DISC1: variants seen among roughly 807,000 people sequenced by gnomAD.
DISC1 encodes disrupted in schizophrenia 1 protein.
Under a neutral mutation model 84.5 loss-of-function variants are expected in DISC1, and 57 were observed. The observed-to-expected ratio is 0.67, with a 90% CI of 0.55 to 0.84. The LOEUF (loss-of-function observed/expected upper bound fraction) is 0.84, where lower values mean the gene tolerates loss of function less well. DISC1 is among the 40% of genes least tolerant of loss of function. The pLI is 0.00. For missense variants in DISC1, 1,000 were observed against 1,057.8 expected (o/e 0.95, Z 0.76); for synonymous variants, 411 against 415.2 (o/e 0.99, Z 0.12).
chr1:231,965,895 C>T (rs560531441), intron 10 of DISC1, among the ~76,000 whole-genome samples: 25 of 152,332 alleles, frequency 1.6e-4, no homozygotes, highest in African/African-American at 5.5e-4. Context: ...GCCATGTACA[C>T]GAATGTGTTG....
chr1:232,000,116 G>T (rs2102959194), intron 10 of DISC1, among the ~76,000 whole-genome samples: 1 of 152,264 alleles, frequency 6.6e-6, no homozygotes, highest in Middle Eastern at 3.4e-3. Flanking sequence ...TGAGGAAAGA[G>T]AATCAACCGA....
intron 9 of DISC1, among the ~76,000 whole-genome samples, chr1:231,840,489 A>G (rs1036018312): frequency 6.6e-6 from 1 of 152,172 alleles, no homozygotes; most frequent in Non-Finnish European, 1.5e-5. Context: ...CAAACTATCA[A>G]TATACACAAC....
intron 11 of DISC1, among the ~76,000 whole-genome samples, chr1:232,013,107 G>T (rs74144308): frequency 6.6e-6 from 1 of 152,170 alleles, no homozygotes; most frequent in East Asian, 1.9e-4. Flanking sequence ...TCTTTTGTAC[G>T]GGCTGTTCTG....
At chr1:231,857,982 G>A (rs183448922) in intron 9 of DISC1, among the ~76,000 whole-genome samples, 85 of 152,314 alleles carry the variant, frequency 5.6e-4, no homozygotes, top group Non-Finnish European at 1.8e-4. Flanking sequence ...AACTCTTGCC[G>A]CTATAGGCCC....
At chr1:231,695,390 A>G (rs994288429) in intron 2 of DISC1, among the ~76,000 whole-genome samples, 1 of 152,222 alleles carries the variant, frequency 6.6e-6, no homozygotes, top group Non-Finnish European at 1.5e-5. Context: ...TTTGGAAATA[A>G]GTACAAACTG....
chr1:232,005,209 C>A (rs906438363), intron 10 of DISC1, among the ~76,000 whole-genome samples: 1 of 151,760 alleles, frequency 6.6e-6, no homozygotes, highest in Non-Finnish European at 1.5e-5. Context: ...CTCATGGAAT[C>A]CTCACCATCA....
chr1:231,955,462 G>A (rs770758410), intron 9 of DISC1, among the ~76,000 whole-genome samples: 13 of 149,728 alleles, frequency 8.7e-5, no homozygotes, highest in African/African-American at 1.5e-4. Context: ...GTGGCTTAGG[G>A]TAAAAATCTG....
At chr1:231,881,212 C>G (rs924160553) in intron 9 of DISC1, among the ~76,000 whole-genome samples, 2 of 152,204 alleles carry the variant, frequency 1.3e-5, no homozygotes, top group Admixed American at 1.3e-4. Flanking sequence ...TCCCTGGCAA[C>G]AGGGCCTCTG....
At chr1:231,721,133 C>T (rs2069623876) in intron 3 of DISC1, 2 of 1,272,774 alleles carry the variant, frequency 1.6e-6, no homozygotes, top group Admixed American at 4.6e-5. Context: ...AACATTAGCT[C>T]TACCTACCTT....
chr1:231,866,510 A>T (rs1335907385), intron 9 of DISC1: 1 of 799,474 alleles, frequency 1.3e-6, no homozygotes, highest in South Asian at 1.3e-5. Context: ...TTTAATGTTC[A>T]CTACTACCTT....
At chr1:231,781,076 G>T (rs1317300968) in intron 6 of DISC1, among the ~76,000 whole-genome samples, 4 of 149,246 alleles carry the variant, frequency 2.7e-5, no homozygotes, top group Non-Finnish European at 5.9e-5. Flanking sequence ...CGGTTAGTGG[G>T]TTCAGCGCAC....
chr1:231,890,375 C>T (rs564971435), intron 9 of DISC1, among the ~76,000 whole-genome samples: 3 of 152,186 alleles, frequency 2.0e-5, no homozygotes, highest in African/African-American at 2.4e-5. Context: ...CAGTATTGAT[C>T]GAGCACAAAT....
At chr1:231,780,471 C>T (rs2077331252) in intron 6 of DISC1, among the ~76,000 whole-genome samples, 1 of 149,832 alleles carries the variant, frequency 6.7e-6, no homozygotes, top group Admixed American at 6.7e-5. Context: ...TACCATCTCA[C>T]ACCAGTTAGA....
At chr1:231,895,340 T>C (rs1364965646) in intron 9 of DISC1, among the ~76,000 whole-genome samples, 4 of 151,734 alleles carry the variant, frequency 2.6e-5, no homozygotes, top group Non-Finnish European at 5.9e-5. Context: ...ATAAATATTT[T>C]ATATGTATAC....
chr1:231,881,500 C>T (rs11122358), intron 9 of DISC1, among the ~76,000 whole-genome samples: 6,143 of 152,210 alleles, frequency 0.04, 436 homozygotes, highest in African/African-American at 0.14. Flanking sequence ...TTAGGGCCCA[C>T]TCTAATGATC....
intron 6 of DISC1, among the ~76,000 whole-genome samples, chr1:231,792,432 A>G (rs1248030946): frequency 2.0e-5 from 3 of 152,202 alleles, no homozygotes; most frequent in Admixed American, 1.3e-4. Flanking sequence ...TATCAGTAAG[A>G]GGATCTACTA....
At chr1:231,911,086 G>T (rs2089158027) in intron 9 of DISC1, among the ~76,000 whole-genome samples, 1 of 152,098 alleles carries the variant, frequency 6.6e-6, no homozygotes, top group Non-Finnish European at 1.5e-5. Context: ...TGTGAGATGG[G>T]TCTCCTGAAT....
chr1:231,961,730 A>G (rs188691008), intron 10 of DISC1, among the ~76,000 whole-genome samples: 1 of 152,342 alleles, frequency 6.6e-6, no homozygotes, highest in East Asian at 1.9e-4. Context: ...ATATGACTGC[A>G]TAGTACTCTG....
At chr1:231,757,318 C>T (rs1337741298) in intron 4 of DISC1, among the ~76,000 whole-genome samples, 1 of 152,118 alleles carries the variant, frequency 6.6e-6, no homozygotes, top group African/African-American at 2.4e-5. Flanking sequence ...TTCGTTCACT[C>T]CTTAGAGGGT....
Sources: allele counts gnomAD v4.1 joint callset (sites outside exome capture counted in the v4.1 genomes callset), GRCh38; gene constraint gnomAD v4.1.1; transcripts MANE v1.5; gene names NCBI Gene and HGNC (gene_info 2026-07-23, HGNC 2026-07-21).